The following MARCHF3 variants were observed in gnomAD, a reference collection of about 807,000 sequenced individuals.
MARCHF3 encodes membrane associated ring-CH-type finger 3.
MARCHF3 carries 13 observed loss-of-function variants against 24.2 expected under a neutral mutation model. That is an observed-to-expected ratio of 0.54 (90% confidence interval 0.35 to 0.85). The LOEUF is 0.85. Ranked by LOEUF, MARCHF3 falls within the 40% of genes least tolerant of loss-of-function variation. The probability of loss-of-function intolerance (pLI) is 0.01; values close to 1 mark genes in which losing one functional copy is unlikely to be tolerated. For missense variants in MARCHF3, 276 were observed against 325.0 expected (o/e 0.85, Z 1.16); for synonymous variants, 144 against 137.3 (o/e 1.05, Z -0.34).
chr5:127,023,029 G>A (rs551579596), intron 1 of MARCHF3, among the ~76,000 whole-genome samples: 4 of 152,282 alleles, frequency 2.6e-5, no homozygotes, highest in South Asian at 4.1e-4. Context: ...ACACATGGAC[G>A]CATGGTCTGT....
At chr5:126,987,920 A>G (rs1023985419) in intron 1 of MARCHF3, among the ~76,000 whole-genome samples, 1 of 151,712 alleles carries the variant, frequency 6.6e-6, no homozygotes, top group Non-Finnish European at 1.5e-5. Context: ...TCTATAAAGA[A>G]ATTGAAAAAC....
intron 4 of MARCHF3, among the ~76,000 whole-genome samples, chr5:126,875,832 C>T (rs1342272278): frequency 6.6e-6 from 1 of 152,224 alleles, no homozygotes; most frequent in South Asian, 2.1e-4. Flanking sequence ...CGTTATCTCA[C>T]TTACTCTTTG....
At chr5:127,000,658 C>T (rs182447517) in intron 1 of MARCHF3, among the ~76,000 whole-genome samples, 1 of 152,240 alleles carries the variant, frequency 6.6e-6, no homozygotes, top group Admixed American at 6.5e-5. Context: ...AGGTGGTGAT[C>T]ATTCATGACT....
intron 1 of MARCHF3, among the ~76,000 whole-genome samples, chr5:126,952,925 T>TC (rs1384623688): frequency 6.6e-6 from 1 of 152,182 alleles, no homozygotes; most frequent in African/African-American, 2.4e-5. Context: ...AAAGAACATT[T>TC]CAATATTATG....
At chr5:126,967,201 T>C (rs1295636856) in intron 1 of MARCHF3, among the ~76,000 whole-genome samples, 3 of 151,880 alleles carry the variant, frequency 2.0e-5, no homozygotes, top group Non-Finnish European at 4.4e-5. Flanking sequence ...AATCCAGCAA[T>C]TGATTGGTTT....
chr5:126,939,824 G>T (rs1749770224), intron 1 of MARCHF3, among the ~76,000 whole-genome samples: 1 of 152,076 alleles, frequency 6.6e-6, no homozygotes, highest in Admixed American at 6.6e-5. Flanking sequence ...GTTTATGCGG[G>T]TCTCTGCTTG....
At chr5:126,951,756 A>G (rs967289100) in intron 1 of MARCHF3, among the ~76,000 whole-genome samples, 1 of 152,206 alleles carries the variant, frequency 6.6e-6, no homozygotes, top group Non-Finnish European at 1.5e-5. Flanking sequence ...TTAGATGTAC[A>G]CAACAGCTCT....
chr5:126,973,247 G>A (rs979816058), intron 1 of MARCHF3, among the ~76,000 whole-genome samples: 1 of 152,188 alleles, frequency 6.6e-6, no homozygotes, highest in Non-Finnish European at 1.5e-5. Flanking sequence ...AATAACTCTG[G>A]GTGCCATTTC....
At chr5:126,938,907 T>C (rs766832786) in intron 1 of MARCHF3, among the ~76,000 whole-genome samples, 2 of 152,162 alleles carry the variant, frequency 1.3e-5, no homozygotes, top group Non-Finnish European at 2.9e-5. Flanking sequence ...AAAAACCATA[T>C]AGTGATTTCC....
intron 1 of MARCHF3, among the ~76,000 whole-genome samples, chr5:126,940,509 G>A (rs1357579154): frequency 6.6e-6 from 1 of 151,972 alleles, no homozygotes; most frequent in African/African-American, 2.4e-5. Context: ...GTGTAGTGGT[G>A]TGATCCCAGC....
chr5:126,914,829 C>T (rs951811580), intron 3 of MARCHF3, 101 bp downstream of exon 3: 29 of 870,958 alleles, frequency 3.3e-5, no homozygotes, highest in Admixed American at 6.1e-5. Flanking sequence ...TAGCTATTAC[C>T]GTGCTTCAGT....
intron 3 of MARCHF3, among the ~76,000 whole-genome samples, chr5:126,902,067 T>G (rs1314116061): frequency 6.6e-6 from 1 of 152,062 alleles, no homozygotes; most frequent in East Asian, 1.9e-4. Context: ...GCTGAAAGGG[T>G]CCGGAATCTT....
chr5:126,929,319 AC>A (rs1248286063), intron 1 of MARCHF3, among the ~76,000 whole-genome samples: 57 of 152,336 alleles, frequency 3.7e-4, no homozygotes, highest in African/African-American at 1.4e-3. Flanking sequence ...CATAGATGGT[AC>A]TGTCTACTCT....
Position 126,956,665 on chromosome 5 carries a change from A to C in MARCHF3, c.-56-38438T>G, listed in dbSNP as rs1440471185. Among the ~76,000 whole-genome samples the C allele has an allele frequency of 3.7e-3, 537 of 144,754 alleles. 10 individuals carry two copies. Among genetic ancestry groups the C allele is most frequent in the African/African-American group, 0.014 (518 of 37,912 alleles). The allele number at this position is 144,754 out of a possible 152,430, so 95.0% of individuals were successfully genotyped here. A position where few individuals can be genotyped will look rare whatever the true frequency, so the allele number is the denominator to read the frequency against. ...GTCTCCAAAAAAAAAAAAAAAAAAA[A>C]AAAAAACCAAAAAAACAACAACAAA... On this transcript the variant is annotated intron_variant, in intron 1 of 4. Coordinates refer to ENST00000308660, the MANE Select transcript of MARCHF3 (RefSeq NM_178450.5).
At chr5:126,875,241 G>T (rs1049939583) in intron 4 of MARCHF3, among the ~76,000 whole-genome samples, 2 of 152,194 alleles carry the variant, frequency 1.3e-5, no homozygotes, top group Non-Finnish European at 2.9e-5. Flanking sequence ...CAAGGCCCTG[G>T]CCTCCTGGGG....
chr5:126,988,710 T>C (rs1751646398), intron 1 of MARCHF3, among the ~76,000 whole-genome samples: 1 of 152,090 alleles, frequency 6.6e-6, no homozygotes, highest in Non-Finnish European at 1.5e-5. Context: ...TATGAACAAA[T>C]AGCAAAAAGG....
intron 3 of MARCHF3, among the ~76,000 whole-genome samples, chr5:126,889,746 G>T (rs1753618621): frequency 6.6e-6 from 1 of 152,194 alleles, no homozygotes; most frequent in South Asian, 2.1e-4. Context: ...ATACATCCTA[G>T]CACCTAATGG....
At chr5:126,951,373 C>G (rs1436178444) in intron 1 of MARCHF3, among the ~76,000 whole-genome samples, 2 of 152,158 alleles carry the variant, frequency 1.3e-5, no homozygotes, top group Non-Finnish European at 2.9e-5. Flanking sequence ...TGGCTAGTCC[C>G]AAATTTATAT....
At chr5:127,010,230 G>T (rs1168595090) in intron 1 of MARCHF3, among the ~76,000 whole-genome samples, 1 of 152,156 alleles carries the variant, frequency 6.6e-6, no homozygotes, top group Non-Finnish European at 1.5e-5. Context: ...TCATAAGGTG[G>T]TAAGGGGTTA....
Sources: allele counts gnomAD v4.1 joint callset (sites outside exome capture counted in the v4.1 genomes callset), GRCh38; gene constraint gnomAD v4.1.1; transcripts MANE v1.5; gene names NCBI Gene and HGNC (gene_info 2026-07-23, HGNC 2026-07-21).